The following EXOC2 variants were observed in gnomAD, a reference collection of about 807,000 sequenced individuals.
The protein encoded by EXOC2 is exocyst complex component 2, also known as SEC5-like 1.
EXOC2 carries 70 observed loss-of-function variants against 131.8 expected under a neutral mutation model. That is an observed-to-expected ratio of 0.53 (90% CI 0.44 to 0.65). The LOEUF is 0.65. EXOC2 is among the 30% of genes least tolerant of loss of function. The pLI is 0.00. For synonymous variants in EXOC2, 411 were observed against 398.4 expected (o/e 1.03, Z -0.38); for missense variants, 923 against 1,108.6 (o/e 0.83, Z 2.38).
At chr6:499,767 A>G in intron 23 of EXOC2, 67 bp from the exon 24 acceptor site, 1 of 1,302,044 alleles carries the variant, frequency 7.7e-7, no homozygotes, top group Non-Finnish European at 1.1e-6. Context: ...CCCTGCTGGC[A>G]GGCTGTACCC....
chr6:583,918 C>T lies in EXOC2; in HGVS notation c.1193-7036G>A, dbSNP rs79561407. Among the ~76,000 whole-genome samples the T allele has an allele frequency of 7.0e-3, 1,065 of 152,270 alleles. 13 individuals carry two copies. The highest frequency in any genetic ancestry group is 0.024 in the African/African-American group (989 of 41,552). On this transcript the variant is annotated intron_variant, in intron 11 of 27. Transcript: ENST00000230449. Reference sequence around the variant, plus strand: ...GAAACTAGCATCTCATATCTGTGCTCGCTGCAGTTGTGCCTTTCCTTTTTT... The same window carrying T: ...GAAACTAGCATCTCATATCTGTGCTTGCTGCAGTTGTGCCTTTCCTTTTTT...
chr6:507,249 CCACA>C (rs1240414252), intron 23 of EXOC2, among the ~76,000 whole-genome samples: 2 of 81,462 alleles, frequency 2.5e-5, no homozygotes, highest in African/African-American at 1.1e-4. Flanking sequence ...AGTGACCCCC[CCACA>C]CACACACAGC....
chr6:598,509 C>T (rs1759945837), intron 9 of EXOC2, among the ~76,000 whole-genome samples: 1 of 152,122 alleles, frequency 6.6e-6, no homozygotes, highest in African/African-American at 2.4e-5. Context: ...GGTTGGAATT[C>T]TTCAGTCTAT....
rs1757010479 is a variant in EXOC2, at chr6:549,087, C to A, written c.2238+88G>T. On this transcript the variant is annotated intron_variant, in intron 22 of 27. Coordinates refer to ENST00000230449, the MANE Select transcript of EXOC2 (RefSeq NM_018303.6). ...GGGGGCGGCACGCAGAGGGAATGGG[C>A]ACTGCTAGCAGAACACAGGCTAGGA... 4.8e-6 allele frequency: 5 copies of A among 1,035,714 alleles called. No homozygotes were observed. The East Asian group carries it at 1.2e-4, about 25-fold the overall frequency. The allele number at this position is 1,035,714 out of a possible 1,614,324, so 64.2% of individuals were successfully genotyped here.
At chr6:554,030 G>C (rs528175527) in intron 20 of EXOC2, 110 bp from the exon 21 acceptor site, 2 of 860,448 alleles carry the variant, frequency 2.3e-6, no homozygotes, top group Non-Finnish European at 3.6e-6. Context: ...AAAACATTTG[G>C]TGAAAGTCAC....
chr6:529,427 CA>C (rs1393572703), intron 23 of EXOC2, among the ~76,000 whole-genome samples: 16 of 152,134 alleles, frequency 1.1e-4, no homozygotes, highest in Admixed American at 5.9e-4. Flanking sequence ...TCTTCTGCAT[CA>C]GGGGCAAATA....
At chr6:561,146 A>G (rs922285632) in intron 17 of EXOC2, among the ~76,000 whole-genome samples, 2 of 152,230 alleles carry the variant, frequency 1.3e-5, no homozygotes, top group South Asian at 4.1e-4. Context: ...TCACCTTGTT[A>G]TATATAAAGT....
chr6:489,704 T>C (rs1470856831), intron 26 of EXOC2, among the ~76,000 whole-genome samples: 1 of 152,224 alleles, frequency 6.6e-6, no homozygotes, highest in Non-Finnish European at 1.5e-5. Flanking sequence ...ACTTGTACCA[T>C]TCACAAAGGA....
intron 16 of EXOC2, among the ~76,000 whole-genome samples, 190 bp downstream of exon 16, chr6:563,843 G>A (rs1223167118): frequency 6.6e-6 from 1 of 152,036 alleles, no homozygotes; most frequent in East Asian, 1.9e-4. Context: ...TTTCTGCATG[G>A]TCTTAATTCT....
At chr6:543,612 T>A (rs1756677788) in intron 22 of EXOC2, among the ~76,000 whole-genome samples, 1 of 152,212 alleles carries the variant, frequency 6.6e-6, no homozygotes, top group South Asian at 2.1e-4. Flanking sequence ...TGTTAATTAG[T>A]TCGACTGACT....
intron 1 of EXOC2, among the ~76,000 whole-genome samples, chr6:648,709 A>T (rs966671876): frequency 3.6e-5 from 5 of 137,998 alleles, no homozygotes; most frequent in Non-Finnish European, 3.0e-5. Flanking sequence ...ACAAACTTTT[A>T]AAAACTCTTT....
At chr6:561,731 G>A (rs1436380639) in intron 17 of EXOC2, among the ~76,000 whole-genome samples, 10 of 152,022 alleles carry the variant, frequency 6.6e-5, no homozygotes, top group African/African-American at 1.4e-4. Flanking sequence ...GATTACAGGC[G>A]CCCACCACCA....
chr6:565,373 A>T (rs996078505), intron 13 of EXOC2, among the ~76,000 whole-genome samples: 6 of 152,246 alleles, frequency 3.9e-5, no homozygotes, highest in African/African-American at 1.4e-4. Context: ...CTCTTCCTTC[A>T]GAGATTTCAG....
rs574676023 is a variant in EXOC2 at position 512,133 on chromosome 6, C to A, written c.2381-12433G>T. On this transcript the variant is annotated intron_variant, in intron 23 of 27. Coordinates refer to ENST00000230449, the MANE Select transcript of EXOC2 (RefSeq NM_018303.6). ...CCCTTTTGTCAGCAGGGGAGGGCCACCAGGCCATGGTCCTTGAGCCCCTTC... is the reference window on the plus strand; with the variant it reads ...CCCTTTTGTCAGCAGGGGAGGGCCAACAGGCCATGGTCCTTGAGCCCCTTC... Among the ~76,000 whole-genome samples, 36 of 152,354 alleles carry A rather than the reference C, an allele frequency of 2.4e-4. No individual in the cohort carries two copies. In the South Asian group the frequency reaches 7.2e-3, roughly 31 times the overall value.
chr6:552,539 C>G (rs1757202957), intron 21 of EXOC2, among the ~76,000 whole-genome samples: 1 of 152,186 alleles, frequency 6.6e-6, no homozygotes, highest in Non-Finnish European at 1.5e-5. Flanking sequence ...ATTCACAAAT[C>G]TGTATCTAGA....
chr6:529,106 C>T (rs2127535957), intron 23 of EXOC2, among the ~76,000 whole-genome samples: 1 of 111,788 alleles, frequency 8.9e-6, no homozygotes, highest in African/African-American at 3.2e-5. Context: ...CCCGGCATCG[C>T]CTGCCTTTTA....
At chr6:632,915 T>C in intron 3 of EXOC2, 26 bp downstream of exon 3, 3 of 1,574,592 alleles carry the variant, frequency 1.9e-6, no homozygotes, top group Non-Finnish European at 2.6e-6. Flanking sequence ...CTTTCTTCTT[T>C]AGAATAAACC....
intron 17 of EXOC2, among the ~76,000 whole-genome samples, chr6:556,873 G>A (rs185142211): frequency 6.6e-6 from 1 of 152,258 alleles, no homozygotes; most frequent in East Asian, 1.9e-4. Flanking sequence ...ATACAACGAG[G>A]AGCAGATATA....
At chr6:678,080 C>T (rs1764235504) in intron 1 of EXOC2, among the ~76,000 whole-genome samples, 1 of 152,178 alleles carries the variant, frequency 6.6e-6, no homozygotes, top group Non-Finnish European at 1.5e-5. Context: ...ATGAGAGATG[C>T]TAACTGGCAC....
Sources: allele counts gnomAD v4.1 joint callset (sites outside exome capture counted in the v4.1 genomes callset), GRCh38; gene constraint gnomAD v4.1.1; transcripts MANE v1.5; gene names NCBI Gene and HGNC (gene_info 2026-07-23, HGNC 2026-07-21).